Variants in SYN3 observed in about 807,000 individuals in gnomAD.
SYN3 encodes the protein synapsin III.
SYN3 carries 35 observed loss-of-function variants against 65.8 expected under a neutral mutation model. That is an observed-to-expected ratio of 0.53 (90% CI 0.41 to 0.70). The LOEUF is 0.70. Among genes scored for constraint, SYN3 ranks in the 30% least tolerant of loss-of-function variants. SYN3 has a pLI of 0.00. For missense variants in SYN3, 680 were observed against 749.0 expected, an observed-to-expected ratio of 0.91 and a Z score of 1.08; for synonymous variants, 270 against 292.9, an observed-to-expected ratio of 0.92 and a Z score of 0.80.
intron 6 of SYN3, among the ~76,000 whole-genome samples, chr22:32,744,123 C>T (rs1647329143): frequency 6.6e-6 from 1 of 152,060 alleles, no homozygotes; most frequent in Non-Finnish European, 1.5e-5. Flanking sequence ...TACATCAGTG[C>T]CCTCAGGAGT....
rs543056907 is a variant in SYN3 at position 32,799,729 on chromosome 22, T to C, written c.711+65186A>G. 5.0e-4 allele frequency among the ~76,000 whole-genome samples: 76 copies of C among 152,224 alleles called. 1 individual carries two copies. The East Asian group carries it at 0.014, about 27-fold the overall frequency. On this transcript the variant is annotated intron_variant, in intron 6 of 13. Coordinates refer to ENST00000358763, the MANE Select transcript of SYN3 (RefSeq NM_003490.4). ...TATGCCCTCATTCAACCTGGATCCT[T>C]AGAGTGGCCTCCAGGGCACTCTGCT...
At position 32,654,813 on chromosome 22, in the gene SYN3, C is replaced by G. The variant is rs553641542; in HGVS notation, c.712-58077G>C. On this transcript the variant is annotated intron_variant, in intron 6 of 13. Coordinates refer to ENST00000358763, the MANE Select transcript of SYN3 (RefSeq NM_003490.4). ...TGCTGCTGCTACTCTGGGCTGGGGC[C>G]AGGCTCCACCCCTTGATATTCTAGG... 2.4e-3 allele frequency among the ~76,000 whole-genome samples: 366 copies of G among 152,310 alleles called. 2 individuals carry two copies. The highest frequency in any genetic ancestry group is 8.3e-3 in the African/African-American group (343 of 41,550).
At chr22:32,774,852 G>A (rs1271445967) in intron 6 of SYN3, among the ~76,000 whole-genome samples, 2 of 152,120 alleles carry the variant, frequency 1.3e-5, no homozygotes, top group African/African-American at 2.4e-5. Flanking sequence ...CGGCCTCCCA[G>A]CTTTGCACTT....
chr22:32,655,037 G>A (rs2060123352), intron 6 of SYN3, among the ~76,000 whole-genome samples: 1 of 152,250 alleles, frequency 6.6e-6, no homozygotes, highest in African/African-American at 2.4e-5. Flanking sequence ...TGGGCTCAAA[G>A]CTGCTATGGT....
At chr22:32,567,932 A>G (rs2058696228) in intron 7 of SYN3, among the ~76,000 whole-genome samples, 1 of 152,174 alleles carries the variant, frequency 6.6e-6, no homozygotes, top group African/African-American at 2.4e-5. Context: ...GGCCAGAGCC[A>G]TGGCCATTTT....
chr22:32,716,477 C>G (rs2061040442), intron 6 of SYN3, among the ~76,000 whole-genome samples: 1 of 152,036 alleles, frequency 6.6e-6, no homozygotes, highest in African/African-American at 2.4e-5. Context: ...GATGTTTACC[C>G]TAGGGCCCCA....
intron 6 of SYN3, among the ~76,000 whole-genome samples, chr22:32,854,363 T>C (rs1324380865): frequency 6.6e-6 from 1 of 152,176 alleles, no homozygotes; most frequent in Non-Finnish European, 1.5e-5. Flanking sequence ...AGTTGAGTTC[T>C]TACTGAGCAG....
chr22:32,987,156 C>T (rs1396590286), intron 2 of SYN3, among the ~76,000 whole-genome samples: 5 of 151,978 alleles, frequency 3.3e-5, no homozygotes, highest in Non-Finnish European at 7.4e-5. Flanking sequence ...ATGTCCTGTC[C>T]CAGGGACAGC....
At chr22:32,607,472 T>C (rs1013697358) in intron 6 of SYN3, among the ~76,000 whole-genome samples, 5 of 152,170 alleles carry the variant, frequency 3.3e-5, no homozygotes, top group African/African-American at 1.2e-4. Context: ...ATACCTGTCC[T>C]GACCCTGGTC....
At chr22:32,920,087 T>C (rs1301661753) in intron 4 of SYN3, among the ~76,000 whole-genome samples, 1 of 152,230 alleles carries the variant, frequency 6.6e-6, no homozygotes, top group Non-Finnish European at 1.5e-5. Flanking sequence ...TGATGCTTCC[T>C]GGCTCCTGCT....
chr22:32,966,691 G>A (rs1456877405), intron 3 of SYN3, among the ~76,000 whole-genome samples: 2 of 152,160 alleles, frequency 1.3e-5, no homozygotes, highest in East Asian at 3.9e-4. Context: ...AAGCTGTGGG[G>A]ACCACTTGAG....
At chr22:32,708,165 G>A (rs1312756860) in intron 6 of SYN3, among the ~76,000 whole-genome samples, 1 of 152,244 alleles carries the variant, frequency 6.6e-6, no homozygotes, top group African/African-American at 2.4e-5. Flanking sequence ...TGGAGTGTGT[G>A]ATCTGCAGCA....
At chr22:32,777,395 TA>T (rs11317667) in intron 6 of SYN3, among the ~76,000 whole-genome samples, 107,005 of 151,602 alleles carry the variant, frequency 0.71, 38,322 homozygotes, top group African/African-American at 0.83. Context: ...TCTTTTTTTT[TA>T]ATCCAATTAT....
intron 1 of SYN3, among the ~76,000 whole-genome samples, chr22:33,050,479 CAAAAAAAA>C (rs58653594): frequency 2.8e-4 from 30 of 108,512 alleles, no homozygotes; most frequent in African/African-American, 9.5e-4. Flanking sequence ...GAGACTGTTT[CAAAAAAAA>C]AAAAAAAAAA....
chr22:33,025,495 A>C (rs957268886), intron 1 of SYN3, among the ~76,000 whole-genome samples: 2 of 151,072 alleles, frequency 1.3e-5, no homozygotes, highest in Admixed American at 6.6e-5. Flanking sequence ...TTAGCTGGGC[A>C]TGGTGGCAGG....
chr22:32,807,621 A>G (rs1364652417), intron 6 of SYN3, among the ~76,000 whole-genome samples: 1 of 150,258 alleles, frequency 6.7e-6, no homozygotes, highest in Non-Finnish European at 1.5e-5. Flanking sequence ...ACTGAGGCTT[A>G]GAAAAATGAG....
At chr22:32,821,620 C>A (rs887128644) in intron 6 of SYN3, among the ~76,000 whole-genome samples, 1 of 152,184 alleles carries the variant, frequency 6.6e-6, no homozygotes, top group African/African-American at 2.4e-5. Context: ...CAAGGCAAAT[C>A]GGATGGAAGA....
At chr22:32,515,459 G>T (rs970082174) in intron 13 of SYN3, among the ~76,000 whole-genome samples, 4 of 152,222 alleles carry the variant, frequency 2.6e-5, no homozygotes, top group Non-Finnish European at 4.4e-5. Flanking sequence ...AGGTTGTGTA[G>T]TTTTTAAGTG....
At chr22:32,709,785 C>T (rs2060930841) in intron 6 of SYN3, among the ~76,000 whole-genome samples, 1 of 151,738 alleles carries the variant, frequency 6.6e-6, no homozygotes, top group Non-Finnish European at 1.5e-5. Flanking sequence ...ATCTTATCTT[C>T]TGCTTTAGTT....
Sources: allele counts gnomAD v4.1 joint callset (sites outside exome capture counted in the v4.1 genomes callset), GRCh38; gene constraint gnomAD v4.1.1; transcripts MANE v1.5; gene names NCBI Gene and HGNC (gene_info 2026-07-23, HGNC 2026-07-21).